MAP3K13: variants seen among roughly 807,000 people sequenced by gnomAD.
MAP3K13 encodes leucine zipper-bearing kinase.
A neutral mutation model predicts 104.0 loss-of-function variants in MAP3K13; 52 were observed. That is an observed-to-expected ratio of 0.50 (90% CI 0.40 to 0.63). The LOEUF (loss-of-function observed/expected upper bound fraction) is 0.63. Among genes scored for constraint, MAP3K13 ranks in the 20% least tolerant of loss-of-function variants. The pLI, the probability that MAP3K13 is intolerant of heterozygous loss-of-function variation, is 0.00. For missense variants in MAP3K13, 914 were observed against 1,218.5 expected (o/e 0.75, Z 3.72); for synonymous variants, 394 against 442.2 (o/e 0.89, Z 1.37).
intron 2 of MAP3K13, among the ~76,000 whole-genome samples, chr3:185,286,066 A>G (rs954228793): frequency 1.3e-5 from 2 of 152,112 alleles, no homozygotes; most frequent in Admixed American, 6.5e-5. Context: ...CTTGTGCCTC[A>G]GGTTTAAGCA....
Position 185,466,918 on chromosome 3 carries a change from T to A in MAP3K13, c.1598T>A (p.Met533Lys). 6.2e-7 allele frequency: 1 copy of A among 1,613,824 alleles called. No homozygotes were observed. Among genetic ancestry groups the A allele is most frequent in the Non-Finnish European group, 8.5e-7 (1 of 1,179,830 alleles). ...IIHPNAMEKL[M>K]KRKGVPHKSG... ...CATCCCAATGCCATGGAGAAACTCA[T>A]GAAAAGGAAAGGAGTGCCTCACAAA... is the stretch of plus-strand genomic sequence containing the variant. Residue 533 changes from methionine to lysine, a missense_variant, in exon 10 of 14, where the codon ATG becomes AAG. Met to Lys is a moderately conservative substitution (Grantham distance 95). This residue lies in a region of MAP3K13 where 583 missense variants were observed against 737.4 expected (regional missense o/e 0.79). Coordinates refer to ENST00000265026, the MANE Select transcript of MAP3K13 (RefSeq NM_004721.5).
intron 2 of MAP3K13, among the ~76,000 whole-genome samples, chr3:185,330,046 ATTTTTTTTTTTTTTT>A (rs548813356): frequency 1.2e-3 from 114 of 98,278 alleles, no homozygotes; most frequent in Middle Eastern, 4.3e-3. Context: ...TGCCTGGCTA[ATTTTTTTTTTTTTTT>A]TTTTTTTTTT....
chr3:185,413,974 C>T (rs925671881), intron 1 of MAP3K13, among the ~76,000 whole-genome samples: 5 of 152,128 alleles, frequency 3.3e-5, no homozygotes, highest in Admixed American at 1.3e-4. Flanking sequence ...AAAATATGAG[C>T]CTATTCCATA....
chr3:185,444,913 G>A (rs1308890819), intron 4 of MAP3K13, among the ~76,000 whole-genome samples: 2 of 151,960 alleles, frequency 1.3e-5, no homozygotes, highest in African/African-American at 4.8e-5. Flanking sequence ...AGCCCAGAAG[G>A]TCAAGCCTAC....
intron 2 of MAP3K13, among the ~76,000 whole-genome samples, chr3:185,327,512 T>TA: frequency 6.6e-6 from 1 of 152,106 alleles, no homozygotes; most frequent in East Asian, 1.9e-4. Flanking sequence ...TGAAAAGAAT[T>TA]AAGATGATCT....
chr3:185,301,880 T>C (rs1721121020), intron 2 of MAP3K13, among the ~76,000 whole-genome samples: 1 of 152,246 alleles, frequency 6.6e-6, no homozygotes, highest in Non-Finnish European at 1.5e-5. Flanking sequence ...TTTTGTAATA[T>C]ATGTTGAAGT....
At chr3:185,365,585 C>A (rs908435163) in intron 1 of MAP3K13, among the ~76,000 whole-genome samples, 1 of 152,222 alleles carries the variant, frequency 6.6e-6, no homozygotes, top group Non-Finnish European at 1.5e-5. Context: ...GCCAAGATGA[C>A]CAATTCTGCC....
At chr3:185,332,502 T>C (rs1722323751) in intron 2 of MAP3K13, among the ~76,000 whole-genome samples, 1 of 152,216 alleles carries the variant, frequency 6.6e-6, no homozygotes, top group South Asian at 2.1e-4. Flanking sequence ...AGGACACTTC[T>C]GTCTTGTGAA....
intron 1 of MAP3K13, among the ~76,000 whole-genome samples, chr3:185,372,433 A>G: frequency 6.6e-6 from 1 of 152,224 alleles, no homozygotes; most frequent in Non-Finnish European, 1.5e-5. Flanking sequence ...TAGTCTTTTA[A>G]GTATTCTCAA....
At chr3:185,360,998 T>C (rs1040854107), upstream of MAP3K13, among the ~76,000 whole-genome samples, 1 of 151,746 alleles carries the variant, frequency 6.6e-6, no homozygotes. Flanking sequence ...AGCTAATTTT[T>C]GTATTTTTAG....
At chr3:185,412,166 A>G (rs1023238562) in intron 1 of MAP3K13, among the ~76,000 whole-genome samples, 3 of 152,060 alleles carry the variant, frequency 2.0e-5, no homozygotes, top group Non-Finnish European at 4.4e-5. Context: ...CAAATAGTTT[A>G]TTATTTTGCA....
intron 2 of MAP3K13, among the ~76,000 whole-genome samples, chr3:185,316,761 C>A (rs1721689929): frequency 6.6e-6 from 1 of 152,182 alleles, no homozygotes; most frequent in South Asian, 2.1e-4. Flanking sequence ...TGTCCCCAAC[C>A]ACAACAATTT....
chr3:185,343,055 A>G (rs1005391986), intron 2 of MAP3K13, among the ~76,000 whole-genome samples: 1 of 152,116 alleles, frequency 6.6e-6, no homozygotes, highest in African/African-American at 2.4e-5. Context: ...TTTCCTTGCC[A>G]TGCGGGGTTC....
intron 12 of MAP3K13, 107 bp downstream of exon 12, chr3:185,477,503 T>C: frequency 1.3e-6 from 1 of 799,486 alleles, no homozygotes; most frequent in South Asian, 1.6e-5. Flanking sequence ...GCAGCCACCT[T>C]ATAGGGAACT....
At chr3:185,439,714 ATTTTTAC>A (rs1311655023) in intron 3 of MAP3K13, among the ~76,000 whole-genome samples, 1 of 152,004 alleles carries the variant, frequency 6.6e-6, no homozygotes, top group Admixed American at 6.6e-5. Flanking sequence ...GAGAAGCTTT[ATTTTTAC>A]TTCCTTTCTT....
intron 1 of MAP3K13, among the ~76,000 whole-genome samples, chr3:185,402,163 G>A (rs1258578511): frequency 6.6e-6 from 1 of 152,118 alleles, no homozygotes; most frequent in African/African-American, 2.4e-5. Flanking sequence ...TCTTAAAAAC[G>A]GTCCTAGGAA....
chr3:185,394,345 C>G (rs1057335714), intron 1 of MAP3K13, among the ~76,000 whole-genome samples: 15 of 151,986 alleles, frequency 9.9e-5, no homozygotes, highest in African/African-American at 3.6e-4. Flanking sequence ...GGAGTAGAAA[C>G]GTAAAAGAAT....
intron 1 of MAP3K13, among the ~76,000 whole-genome samples, chr3:185,284,118 G>A (rs555132491): frequency 1.3e-5 from 2 of 151,646 alleles, no homozygotes; most frequent in Non-Finnish European, 2.9e-5. Flanking sequence ...GATTACGGGC[G>A]TGAACCACTA....
chr3:185,330,582 G>A (rs1448413307), intron 2 of MAP3K13, among the ~76,000 whole-genome samples: 1 of 152,102 alleles, frequency 6.6e-6, no homozygotes, highest in Non-Finnish European at 1.5e-5. Flanking sequence ...GGGCTGGGGG[G>A]TGTCCTGGGA....
Sources: gnomAD v4.1 joint callset for allele counts (sites outside exome capture counted in the v4.1 genomes callset) on GRCh38, gnomAD v4.1.1 for gene constraint, gnomAD v4.1.1 regional missense constraint, MANE v1.5 for transcripts, NCBI Gene and HGNC (gene_info 2026-07-23, HGNC 2026-07-21) for gene names.